SZT2: variants seen among roughly 807,000 people sequenced by gnomAD.
The protein encoded by SZT2 is SZT2 subunit of KICSTOR complex, also known as KICSTOR complex protein SZT2.
Under a neutral mutation model 404.2 loss-of-function variants are expected in SZT2, and 216 were observed. The observed-to-expected ratio is 0.53, with a 90% confidence interval of 0.48 to 0.60. SZT2 has a LOEUF of 0.60. Among genes scored for constraint, SZT2 ranks in the 20% least tolerant of loss-of-function variants. The pLI is 0.00. For synonymous variants in SZT2, 1,693 were observed against 1,749.9 expected, an observed-to-expected ratio of 0.97 and a Z score of 0.81; for missense variants, 3,857 against 4,459.2, an observed-to-expected ratio of 0.86 and a Z score of 3.85.
At chr1:43,393,067 A>G (rs1045531953) in intron 1 of SZT2, among the ~76,000 whole-genome samples, 1 of 152,240 alleles carries the variant, frequency 6.6e-6, no homozygotes, top group African/African-American at 2.4e-5. Context: ...TTCTCAACCT[A>G]CCTTGTTAAG....
chr1:43,437,744 C>G lies in SZT2; in HGVS notation c.6396+44C>G. 1 of 1,614,058 alleles carries G rather than the reference C, an allele frequency of 6.2e-7. No individual in the cohort carries two copies. The highest frequency in any genetic ancestry group is 8.5e-7 in the Non-Finnish European group (1 of 1,179,940). ...CTCTGATGCCCCTGTGTTCCTCTTGCACTTTGCTCTCTGGAACCGGGGCCC... is the reference window on the plus strand; with the variant it reads ...CTCTGATGCCCCTGTGTTCCTCTTGGACTTTGCTCTCTGGAACCGGGGCCC... On this transcript the variant is annotated intron_variant, in intron 45 of 71. Coordinates refer to ENST00000634258, the MANE Select transcript of SZT2 (RefSeq NM_001365999.1). This position sits in a 1 kb window ranked among gnomAD's most constrained non-coding sequence, Gnocchi z 5.3.
chr1:43,422,788 A>G lies in SZT2; in HGVS notation c.1942A>G (p.Asn648Asp). 1 of 1,588,514 alleles carries G rather than the reference A, an allele frequency of 6.3e-7. No homozygotes were observed. Among genetic ancestry groups the G allele is most frequent in the Non-Finnish European group, 8.5e-7 (1 of 1,175,526 alleles). The change falls in exon 14 of 72, where the codon AAT (asparagine) becomes GAT (aspartate). Residue 648 changes from asparagine (N) to aspartate (D), a missense_variant. Asn to Asp is a conservative substitution (Grantham distance 23). This residue lies in a region of SZT2 where 1,725 missense variants were observed against 1,881.0 expected (regional missense o/e 0.92). Transcript: ENST00000634258. Reference protein sequence around the residue: ...LLSSAPDQPPNSFYMVRIISK... With the variant: ...LLSSAPDQPPDSFYMVRIISK... ...CCCCAGTGCCCCAGACCAGCCCCCCAATTCCTTCTACATGGTCCGTATCAT... is the reference window on the plus strand; with the variant it reads ...CCCCAGTGCCCCAGACCAGCCCCCCGATTCCTTCTACATGGTCCGTATCAT...
At chr1:43,417,167 G>T (rs1651809941) in intron 7 of SZT2, among the ~76,000 whole-genome samples, 2 of 152,214 alleles carry the variant, frequency 1.3e-5, no homozygotes, top group Non-Finnish European at 2.9e-5. Flanking sequence ...AAAGTCATTA[G>T]TTGGGTTTAT....
chr1:43,453,218 T>C lies in SZT2; in HGVS notation c.*2738T>C. On this transcript the variant is annotated 3_prime_UTR_variant, in exon 72 of 72. Transcript: ENST00000634258. ...TGAAAGAGTGGCAAACAGAGTGGCA[T>C]AAGACAGATAAAATACAAAAGGCAA... 2 of 636,862 alleles carry C rather than the reference T, an allele frequency of 3.1e-6. No individual in the cohort carries two copies. Among genetic ancestry groups the C allele is most frequent in the Non-Finnish European group, 5.5e-6 (2 of 362,594 alleles). 39.5% of individuals were successfully genotyped at this position (636,862 alleles called of 1,614,324 possible).
rs753915348 is a variant in SZT2 at position 43,431,067 on chromosome 1, G to A, written c.4893G>A (p.Thr1631=). The change falls in exon 33 of 72, where the codon ACG becomes ACA. Residue 1631 remains threonine, a synonymous_variant. Coordinates refer to ENST00000634258, the MANE Select transcript of SZT2 (RefSeq NM_001365999.1). Reference sequence around the variant, plus strand: ...TGCCCCTGGAAGTGGAGCTCCCCACGGCCTCGGACCCTCAGCACCACCGGT... The same window carrying A: ...TGCCCCTGGAAGTGGAGCTCCCCACAGCCTCGGACCCTCAGCACCACCGGT... ...LTLPLEVELP[T]ASDPQHHRST... 3.8e-5 allele frequency: 61 copies of A among 1,613,760 alleles called. No individual in the cohort carries two copies. The highest frequency in any genetic ancestry group is 8.3e-5 in the Admixed American group (5 of 59,960).
chr1:43,419,943 C>A lies in SZT2; in HGVS notation c.1089C>A (p.Cys363Ter). Residue 363 changes from cysteine to a stop codon, truncating the protein, a stop_gained and splice_region_variant, in exon 8 of 72, where the codon TGC (cysteine) becomes TGA (stop). Transcript: ENST00000634258. LOFTEE classifies it high-confidence loss of function. ...SGEALNPEYY[C>*]GSQHRLFNEH... Reference sequence around the variant, plus strand: ...AAGCACTGAACCCTGAATATTACTGCGGTGAGAGGCACACTGAGGTGGGTG... The same window carrying A: ...AAGCACTGAACCCTGAATATTACTGAGGTGAGAGGCACACTGAGGTGGGTG... 2.5e-6 allele frequency: 4 copies of A among 1,598,138 alleles called. No homozygotes were observed. Among genetic ancestry groups the A allele is most frequent in the African/African-American group, 1.3e-5 (1 of 75,004 alleles).
rs1383780320 is a variant in SZT2, at chr1:43,443,439, C to T, written c.8587C>T (p.His2863Tyr). Residue 2863 changes from histidine to tyrosine, a missense_variant, in exon 61 of 72, where the codon CAT (histidine) becomes TAT (tyrosine). His to Tyr is a moderately conservative substitution (Grantham distance 83). Coordinates refer to ENST00000634258, the MANE Select transcript of SZT2 (RefSeq NM_001365999.1). The stretch of plus-strand genomic sequence containing the variant: ...GCTCTTCGACCCAGCTGCCTGGCTG[C>T]ATGGGCCCCCAGAGACCTCTGGACC... The part of the protein sequence containing the change: ...AMLFDPAAWL[H>Y]GPPETSGPPD... 1 of 1,614,210 alleles carries T rather than the reference C, an allele frequency of 6.2e-7. No homozygotes were observed.
At chr1:43,403,568 A>G in intron 2 of SZT2, 33 bp from the exon 3 acceptor site, 1 of 1,602,788 alleles carries the variant, frequency 6.2e-7, no homozygotes, top group Non-Finnish European at 8.5e-7. Flanking sequence ...TACTTCGCTG[A>G]TCCTTTCCTT....
Position 43,424,203 on chromosome 1 carries a change from G to A in SZT2, c.2256-14G>A. On this transcript the variant is annotated splice_polypyrimidine_tract_variant and intron_variant, in intron 15 of 71. Transcript: ENST00000634258. The surrounding 1 kb of genome is among the most constrained non-coding windows in gnomAD (Gnocchi z 4.1). The stretch of plus-strand genomic sequence containing the variant: ...GGATGAGAGAGATAGCTGGGGAGTT[G>A]TCCCATTTCCTAGGTATGAGAAGCT... The A allele has an allele frequency of 6.3e-7, 1 of 1,594,664 alleles. No individual in the cohort carries two copies. The highest frequency in any genetic ancestry group is 8.5e-7 in the Non-Finnish European group (1 of 1,177,622).
Position 43,453,757 on chromosome 1 carries a change from G to C in SZT2, c.*3277G>C. ...GGGAGGCCGGAGAGCTCGGGGAATA[G>C]CCAGGACAGATTGGCGGAGAAGCGC... On this transcript the variant is annotated 3_prime_UTR_variant, in exon 72 of 72. Coordinates refer to ENST00000634258, the MANE Select transcript of SZT2 (RefSeq NM_001365999.1). 1.5e-6 allele frequency: 2 copies of C among 1,324,518 alleles called. No individual in the cohort carries two copies. Among genetic ancestry groups the C allele is most frequent in the Non-Finnish European group, 1.9e-6 (2 of 1,044,270 alleles). The allele number at this position is 1,324,518 out of a possible 1,614,324, so 82.0% of individuals were successfully genotyped here.
At chr1:43,430,841 T>C (rs1411932181) in intron 32 of SZT2, 52 bp downstream of exon 32, 5 of 1,586,710 alleles carry the variant, frequency 3.2e-6, no homozygotes, top group Non-Finnish European at 4.3e-6. Flanking sequence ...ACAGCCTGCC[T>C]AAGTGGGAGT....
intron 1 of SZT2, among the ~76,000 whole-genome samples, chr1:43,391,037 C>G (rs1456114515): frequency 2.0e-5 from 3 of 152,130 alleles, no homozygotes; most frequent in African/African-American, 4.8e-5. Flanking sequence ...ACAAAGTAAG[C>G]CGGGCGCAGT....
chr1:43,397,585 T>C lies in SZT2; in HGVS notation c.28-5592T>C, dbSNP rs1409995549. The stretch of plus-strand genomic sequence containing the variant: ...CTCTGTTGCCCAGGCTGGAGTGCAG[T>C]GGTGCAATCTTGGCTCACTGCAGCC... On this transcript the variant is annotated intron_variant, in intron 1 of 71. Coordinates refer to ENST00000634258, the MANE Select transcript of SZT2 (RefSeq NM_001365999.1). 1.3e-4 allele frequency among the ~76,000 whole-genome samples: 20 copies of C among 151,272 alleles called. No individual in the cohort carries two copies. In the East Asian group the frequency reaches 2.7e-3, roughly 20 times the overall value.
Position 43,430,026 on chromosome 1 carries a change from A to T in SZT2, c.4324A>T (p.Ile1442Phe). ...HSVIQEKFLE[I>F]SRLHFRTVPS... Reference sequence around the variant, plus strand: ...CCCACAACAGGAGAAGTTCCTAGAGATCAGTCGTCTCCACTTCCGCACAGT... The same window carrying T: ...CCCACAACAGGAGAAGTTCCTAGAGTTCAGTCGTCTCCACTTCCGCACAGT... The change falls in exon 30 of 72, where the codon ATC becomes TTC. Residue 1442 changes from isoleucine (I) to phenylalanine (F), a missense_variant. Coordinates refer to ENST00000634258, the MANE Select transcript of SZT2 (RefSeq NM_001365999.1). The T allele has an allele frequency of 1.2e-6, 2 of 1,614,020 alleles. No individual in the cohort carries two copies. Among genetic ancestry groups the T allele is most frequent in the Non-Finnish European group, 1.7e-6 (2 of 1,179,976 alleles).
At chr1:43,416,956 G>A (rs548540694) in intron 7 of SZT2, among the ~76,000 whole-genome samples, 10 of 152,300 alleles carry the variant, frequency 6.6e-5, no homozygotes, top group South Asian at 4.1e-4. Flanking sequence ...AGAAAACCCC[G>A]CTCAAACTAG....
intron 2 of SZT2, 40 bp from the exon 3 acceptor site, chr1:43,403,561 T>G: frequency 6.3e-7 from 1 of 1,594,352 alleles, no homozygotes; most frequent in Non-Finnish European, 8.6e-7. Context: ...AAAGGGATAC[T>G]TCGCTGATCC....
intron 1 of SZT2, 143 bp from the exon 2 acceptor site, chr1:43,403,034 A>G (rs1334249051): frequency 3.7e-6 from 3 of 814,178 alleles, no homozygotes; most frequent in Non-Finnish European, 3.9e-6. Flanking sequence ...CCTTGCATGG[A>G]GGTTGGGGTA....
intron 7 of SZT2, among the ~76,000 whole-genome samples, chr1:43,418,700 G>C (rs945318926): frequency 1.3e-5 from 2 of 152,188 alleles, no homozygotes; most frequent in African/African-American, 2.4e-5. Flanking sequence ...AGTGAAGAGG[G>C]CCAGGGATTT....
chr1:43,427,222 CCCCTGAGCTCCCT>C, intron 24 of SZT2, 43 bp downstream of exon 24: 4 of 1,607,148 alleles, frequency 2.5e-6, no homozygotes, highest in Non-Finnish European at 3.4e-6. Flanking sequence ...CAGATACAAA[CCCCTGAGCTCCCT>C]CACTGGCCCA....
Sources: allele counts gnomAD v4.1 joint callset (sites outside exome capture counted in the v4.1 genomes callset), GRCh38; gene constraint gnomAD v4.1.1; regional missense constraint gnomAD v4.1.1; non-coding constraint Gnocchi (gnomAD v3.1); transcripts MANE v1.5; gene names NCBI Gene and HGNC (gene_info 2026-07-23, HGNC 2026-07-21).